LRRC4C: variants seen among roughly 807,000 people sequenced by gnomAD.
LRRC4C encodes leucine rich repeat containing 4C.
Under a neutral mutation model 33.6 loss-of-function variants are expected in LRRC4C, and 5 were observed. The observed-to-expected ratio is 0.15, with a 90% CI of 0.08 to 0.31. LRRC4C has a LOEUF of 0.31. LRRC4C is among the 10% of genes least tolerant of loss of function. LRRC4C has a pLI of 1.00. For synonymous variants in LRRC4C, 329 were observed against 302.0 expected, an observed-to-expected ratio of 1.09 and a Z score of -0.93; for missense variants, 560 against 796.7, an observed-to-expected ratio of 0.70 and a Z score of 3.58.
chr11:40,424,548 C>A (rs545918771), intron 3 of LRRC4C, among the ~76,000 whole-genome samples: 1 of 151,976 alleles, frequency 6.6e-6, no homozygotes, highest in Non-Finnish European at 1.5e-5. Flanking sequence ...AATATGTATG[C>A]GCAGGGATTT....
intron 3 of LRRC4C, among the ~76,000 whole-genome samples, chr11:40,407,822 T>C (rs969035539): frequency 1.3e-5 from 2 of 152,082 alleles, no homozygotes; most frequent in African/African-American, 4.8e-5. Context: ...GTAAATTCCA[T>C]GTAATTGCAT....
At chr11:40,217,889 A>G (rs191575076) in intron 5 of LRRC4C, among the ~76,000 whole-genome samples, 4 of 152,278 alleles carry the variant, frequency 2.6e-5, no homozygotes, top group South Asian at 4.1e-4. Flanking sequence ...AATTGAAAAA[A>G]CTACAGCCTT....
intron 1 of LRRC4C, among the ~76,000 whole-genome samples, chr11:41,215,891 C>T (rs942755939): frequency 3.9e-5 from 6 of 152,158 alleles, no homozygotes; most frequent in Admixed American, 1.3e-4. Context: ...AATGCCTGGC[C>T]TATGCTAACT....
intron 3 of LRRC4C, among the ~76,000 whole-genome samples, chr11:40,350,196 G>GT (rs1443510329): frequency 6.6e-6 from 1 of 152,074 alleles, no homozygotes; most frequent in African/African-American, 2.4e-5. Flanking sequence ...TGTCCCCAAT[G>GT]TTTTCTTTTA....
intron 3 of LRRC4C, among the ~76,000 whole-genome samples, chr11:40,458,238 G>A (rs543461423): frequency 9.2e-5 from 14 of 152,046 alleles, no homozygotes; most frequent in South Asian, 4.1e-4. Flanking sequence ...GTCTGTGTGC[G>A]TGCATGCACA....
chr11:40,574,613 C>T (rs1958111626), intron 3 of LRRC4C, among the ~76,000 whole-genome samples: 1 of 152,130 alleles, frequency 6.6e-6, no homozygotes, highest in Admixed American at 6.5e-5. Context: ...ATTCAAACCT[C>T]CTATCTTGAC....
At chr11:41,428,070 C>T (rs1173251281) in intron 1 of LRRC4C, among the ~76,000 whole-genome samples, 1 of 152,134 alleles carries the variant, frequency 6.6e-6, no homozygotes, top group Non-Finnish European at 1.5e-5. Context: ...AAATAAACAG[C>T]CTTGCTGCTC....
intron 1 of LRRC4C, among the ~76,000 whole-genome samples, chr11:41,356,625 A>G (rs1195730134): frequency 6.6e-6 from 1 of 151,790 alleles, no homozygotes; most frequent in Non-Finnish European, 1.5e-5. Context: ...CTTCAACTTG[A>G]CCTCCTAGAG....
At chr11:40,909,188 C>G (rs1360017656) in intron 2 of LRRC4C, among the ~76,000 whole-genome samples, 3 of 152,044 alleles carry the variant, frequency 2.0e-5, no homozygotes, top group Non-Finnish European at 4.4e-5. Context: ...GGAATTTTAT[C>G]TTCTCTGGGT....
intron 1 of LRRC4C, among the ~76,000 whole-genome samples, chr11:41,220,277 A>G (rs1023816186): frequency 6.6e-6 from 1 of 152,140 alleles, no homozygotes; most frequent in Non-Finnish European, 1.5e-5. Context: ...CTTTCTGTCA[A>G]TGAGGAAACA....
chr11:40,373,275 C>A (rs534558644), intron 3 of LRRC4C, among the ~76,000 whole-genome samples: 2 of 151,974 alleles, frequency 1.3e-5, no homozygotes, highest in South Asian at 4.2e-4. Context: ...TGATATCTTA[C>A]CCAACAGGTA....
At chr11:40,151,421 A>G (rs1408994594) in intron 5 of LRRC4C, among the ~76,000 whole-genome samples, 1 of 152,214 alleles carries the variant, frequency 6.6e-6, no homozygotes, top group Non-Finnish European at 1.5e-5. Context: ...CTATGGAACT[A>G]GAGTTTCTAG....
intron 3 of LRRC4C, among the ~76,000 whole-genome samples, chr11:40,467,516 C>T (rs371432202): frequency 4.6e-5 from 7 of 151,948 alleles, no homozygotes; most frequent in African/African-American, 9.7e-5. Context: ...ATTTTTAGAG[C>T]GCTGGAAACC....
chr11:41,420,249 G>A (rs1954828844), intron 1 of LRRC4C, among the ~76,000 whole-genome samples: 1 of 151,850 alleles, frequency 6.6e-6, no homozygotes, highest in Admixed American at 6.6e-5. Flanking sequence ...GGGCAACACA[G>A]CCTTCCCCTC....
intron 1 of LRRC4C, among the ~76,000 whole-genome samples, chr11:41,245,766 T>A (rs1948425997): frequency 6.6e-6 from 1 of 152,172 alleles, no homozygotes; most frequent in Non-Finnish European, 1.5e-5. Flanking sequence ...CCAGGAAGAA[T>A]GAGGTACGCG....
chr11:40,965,524 G>T (rs1315085596), intron 1 of LRRC4C, among the ~76,000 whole-genome samples: 1 of 151,852 alleles, frequency 6.6e-6, no homozygotes, highest in Non-Finnish European at 1.5e-5. Flanking sequence ...AGTCTTTAAT[G>T]CATCTTGAAT....
intron 3 of LRRC4C, among the ~76,000 whole-genome samples, chr11:40,415,506 A>G (rs1476014504): frequency 6.6e-6 from 1 of 152,190 alleles, no homozygotes; most frequent in Admixed American, 6.5e-5. Flanking sequence ...AGTGAGACTA[A>G]AAATGAGTTA....
At chr11:40,410,188 A>G (rs1290033793) in intron 3 of LRRC4C, among the ~76,000 whole-genome samples, 1 of 152,040 alleles carries the variant, frequency 6.6e-6, no homozygotes, top group Non-Finnish European at 1.5e-5. Context: ...TGTATAATAG[A>G]AATGTAAGGT....
At chr11:40,595,623 G>T (rs1217691624) in intron 3 of LRRC4C, among the ~76,000 whole-genome samples, 1 of 151,576 alleles carries the variant, frequency 6.6e-6, no homozygotes, top group East Asian at 1.9e-4. Context: ...TAATATATTA[G>T]GCCAATATAT....
Sources: gnomAD v4.1 joint callset for allele counts (sites outside exome capture counted in the v4.1 genomes callset) on GRCh38, gnomAD v4.1.1 for gene constraint, MANE v1.5 for transcripts, NCBI Gene and HGNC (gene_info 2026-07-23, HGNC 2026-07-21) for gene names.